PDS5A: variants seen among roughly 807,000 people sequenced by gnomAD.
PDS5A encodes the protein PDS5 cohesin associated factor A.
PDS5A carries 42 observed loss-of-function variants against 167.1 expected under a neutral mutation model. That is an observed-to-expected ratio of 0.25 (90% CI 0.20 to 0.33). The LOEUF (loss-of-function observed/expected upper bound fraction) is 0.33. Ranked by LOEUF, PDS5A falls within the 10% of genes least tolerant of loss-of-function variation. The pLI, the probability that PDS5A is intolerant of heterozygous loss-of-function variation, is 1.00. For synonymous variants in PDS5A, 553 were observed against 554.6 expected (o/e 1.00, Z 0.04); for missense variants, 1,033 against 1,605.9 (o/e 0.64, Z 6.10).
chr4:39,891,606 C>T (rs1478166607), intron 16 of PDS5A, among the ~76,000 whole-genome samples: 1 of 151,788 alleles, frequency 6.6e-6, no homozygotes, highest in African/African-American at 2.4e-5. Flanking sequence ...TGAGATCGTG[C>T]CATTGCACTC....
intron 17 of PDS5A, among the ~76,000 whole-genome samples, chr4:39,883,784 T>C (rs1022196556): frequency 3.3e-5 from 5 of 151,874 alleles, no homozygotes; most frequent in African/African-American, 1.2e-4. Flanking sequence ...GCGCATGCCA[T>C]GGTATCCTGC....
At chr4:39,862,762 C>CAGTTTTATTAT (rs1719105109) in intron 25 of PDS5A, 107 bp downstream of exon 25, 2 of 680,230 alleles carry the variant, frequency 2.9e-6, no homozygotes, top group African/African-American at 3.6e-5. Flanking sequence ...ATAAAACTCC[C>CAGTTTTATTAT]AGTTTTATTA....
At chr4:39,850,136 G>A (rs1031622056) in intron 26 of PDS5A, among the ~76,000 whole-genome samples, 2 of 152,082 alleles carry the variant, frequency 1.3e-5, no homozygotes, top group East Asian at 1.9e-4. Flanking sequence ...CTGGGTGTTG[G>A]TGGCAGGCAC....
At chr4:39,907,268 G>A (rs1356056805) in intron 11 of PDS5A, among the ~76,000 whole-genome samples, 4 of 152,026 alleles carry the variant, frequency 2.6e-5, no homozygotes, top group Non-Finnish European at 5.9e-5. Context: ...CAACTTAAAA[G>A]GTATCTGCCT....
intron 26 of PDS5A, among the ~76,000 whole-genome samples, chr4:39,852,270 T>C (rs1371233721): frequency 1.3e-5 from 2 of 152,156 alleles, no homozygotes; most frequent in Non-Finnish European, 2.9e-5. Context: ...ATAATAGATA[T>C]TAAAACAGCA....
At chr4:39,855,165 G>C (rs1206726542) in intron 26 of PDS5A, among the ~76,000 whole-genome samples, 1 of 152,166 alleles carries the variant, frequency 6.6e-6, no homozygotes, top group Admixed American at 6.5e-5. Context: ...GCAACCAGGG[G>C]TAAACACCTG....
chr4:39,969,461 G>C (rs1019730989), intron 2 of PDS5A, among the ~76,000 whole-genome samples: 5 of 152,126 alleles, frequency 3.3e-5, no homozygotes, highest in African/African-American at 1.2e-4. Context: ...GAGGTCACCA[G>C]TTCGAGACCA....
Position 39,922,752 on chromosome 4 carries a change from T to TAAAAAA in PDS5A, c.528-10_528-5dup, listed in dbSNP as rs368289837. ...TACCTTCTTATTGTGGCTATTGCTA[T>TAAAAAA]AAAAAAAAAAAAAAAAGAATAAGTA... On this transcript the variant is annotated splice_polypyrimidine_tract_variant and splice_region_variant and intron_variant, in intron 5 of 32. Coordinates refer to ENST00000303538, the MANE Select transcript of PDS5A (RefSeq NM_001100399.2). 3.2e-6 allele frequency: 4 copies of TAAAAAA among 1,237,672 alleles called. No individual in the cohort carries two copies. Among genetic ancestry groups the TAAAAAA allele is most frequent in the South Asian group, 5.3e-5 (2 of 37,612 alleles). The allele number at this position is 1,237,672 out of a possible 1,614,324, so 76.7% of individuals were successfully genotyped here.
intron 26 of PDS5A, among the ~76,000 whole-genome samples, chr4:39,850,011 G>C (rs1425454669): frequency 6.6e-6 from 1 of 152,092 alleles, no homozygotes; most frequent in Admixed American, 6.6e-5. Context: ...GGTGGCTCAT[G>C]CCTGTAATCC....
chr4:39,923,278 A>AGAT (rs1725159171), intron 5 of PDS5A, among the ~76,000 whole-genome samples: 1 of 150,748 alleles, frequency 6.6e-6, no homozygotes, highest in Non-Finnish European at 1.5e-5. Context: ...CAGTGAGCAG[A>AGAT]GATCATGCCA....
At chr4:39,903,078 C>A (rs1241859918) in intron 12 of PDS5A, among the ~76,000 whole-genome samples, 1 of 152,172 alleles carries the variant, frequency 6.6e-6, no homozygotes, top group Non-Finnish European at 1.5e-5. Flanking sequence ...CTTCAGCAGT[C>A]TAGAACAAAA....
At chr4:39,923,638 A>AACACACACACACACACACAC (rs10664167) in intron 5 of PDS5A, among the ~76,000 whole-genome samples, 5,861 of 125,038 alleles carry the variant, frequency 0.047, 211 homozygotes, top group Admixed American at 0.084. Flanking sequence ...CCTGTCTCAA[A>AACACACACACACACACACAC]ACACACACAC....
At position 39,879,572 on chromosome 4, in the gene PDS5A, G is replaced by A. The variant is rs1360551528; in HGVS notation, c.1992+156C>T. Among the ~76,000 whole-genome samples, 3 of 152,154 alleles carry A rather than the reference G, an allele frequency of 2.0e-5. 1 individual carries two copies. The highest frequency in any genetic ancestry group is 6.8e-3 in the Middle Eastern group (2 of 294). On this transcript the variant is annotated intron_variant, in intron 18 of 32. Coordinates refer to ENST00000303538, the MANE Select transcript of PDS5A (RefSeq NM_001100399.2). Reference sequence around the variant, plus strand: ...AATAATTACATTATTATATTATGTTGTAAAAACATTACTTTTACATCATCT... The same window carrying A: ...AATAATTACATTATTATATTATGTTATAAAAACATTACTTTTACATCATCT...
chr4:39,885,262 A>AAG, intron 17 of PDS5A, among the ~76,000 whole-genome samples: 1 of 150,764 alleles, frequency 6.6e-6, no homozygotes, highest in African/African-American at 2.4e-5. Flanking sequence ...AAAAAAAAAA[A>AAG]AAAGAAAGGA....
rs568907187 is a variant in PDS5A, at chr4:39,970,070, T to C, written c.138+6370A>G. Among the ~76,000 whole-genome samples the C allele has an allele frequency of 1.6e-4, 24 of 151,826 alleles. 1 individual carries two copies. Among genetic ancestry groups the C allele is most frequent in the Non-Finnish European group, 2.8e-4 (19 of 68,008 alleles). Reference sequence around the variant, plus strand: ...TTTCACTATGTTGGTCAGACTGGTCTCGAACTCTTGACCTCGTGATCCACC... The same window carrying C: ...TTTCACTATGTTGGTCAGACTGGTCCCGAACTCTTGACCTCGTGATCCACC... On this transcript the variant is annotated intron_variant, in intron 2 of 32. Transcript: ENST00000303538.
At chr4:39,840,793 C>T (rs1010459769) in intron 31 of PDS5A, among the ~76,000 whole-genome samples, 11 of 151,776 alleles carry the variant, frequency 7.2e-5, no homozygotes, top group Non-Finnish European at 1.3e-4. Context: ...TCACTCTTGT[C>T]GCCCAGGCTG....
intron 2 of PDS5A, among the ~76,000 whole-genome samples, chr4:39,961,202 T>C (rs1017495814): frequency 6.6e-6 from 1 of 152,184 alleles, no homozygotes; most frequent in Non-Finnish European, 1.5e-5. Flanking sequence ...AAAAGTATAA[T>C]CTTGGATTTC....
Position 39,880,164 on chromosome 4 carries a change from T to C in PDS5A, c.1887-331A>G, listed in dbSNP as rs941485171. On this transcript the variant is annotated intron_variant, in intron 17 of 32. Coordinates refer to ENST00000303538, the MANE Select transcript of PDS5A (RefSeq NM_001100399.2). Reference sequence around the variant, plus strand: ...TTCAGTTTTAAGAAAAATAATAATATAGTAGTTGCTAAGTGAGCAATGACA... The same window carrying C: ...TTCAGTTTTAAGAAAAATAATAATACAGTAGTTGCTAAGTGAGCAATGACA... Among the ~76,000 whole-genome samples the C allele has an allele frequency of 1.3e-5, 2 of 152,230 alleles. 1 individual carries two copies. The highest frequency in any genetic ancestry group is 3.8e-4 in the East Asian group (2 of 5,196).
At chr4:39,927,115 A>G (rs1193995314) in intron 3 of PDS5A, among the ~76,000 whole-genome samples, 2 of 152,336 alleles carry the variant, frequency 1.3e-5, no homozygotes, top group African/African-American at 4.8e-5. Flanking sequence ...CACAGGCTCT[A>G]TATCTCATTA....
Sources: allele counts gnomAD v4.1 joint callset (sites outside exome capture counted in the v4.1 genomes callset), GRCh38; gene constraint gnomAD v4.1.1; transcripts MANE v1.5; gene names NCBI Gene and HGNC (gene_info 2026-07-23, HGNC 2026-07-21).